CEP135: variants seen among roughly 807,000 people sequenced by gnomAD.
CEP135 encodes the protein centrosomal protein of 135 kDa.
In CEP135, 142 loss-of-function variants were observed where a neutral mutation model predicts 157.3. That is an observed-to-expected ratio of 0.90 (90% CI 0.79 to 1.04). CEP135 has a LOEUF of 1.04. Ranked by LOEUF, CEP135 falls within the 50% of genes least tolerant of loss-of-function variation. CEP135 has a pLI of 0.00. For missense variants in CEP135, 1,317 were observed against 1,309.2 expected (o/e 1.01, Z -0.09); for synonymous variants, 396 against 439.8 (o/e 0.90, Z 1.25).
At chr4:55,988,505 C>A (rs1198281604) in intron 14 of CEP135, among the ~76,000 whole-genome samples, 1 of 151,884 alleles carries the variant, frequency 6.6e-6, no homozygotes, top group Non-Finnish European at 1.5e-5. Flanking sequence ...ACTAAAAATA[C>A]GAAAATTTGC....
chr4:55,993,056 C>G (rs778773243), intron 15 of CEP135, among the ~76,000 whole-genome samples: 2 of 151,938 alleles, frequency 1.3e-5, no homozygotes, highest in Non-Finnish European at 2.9e-5. Context: ...ACAGTGACAA[C>G]TTGAGATCAG....
rs115408010 is a variant in CEP135 at position 55,953,268 on chromosome 4, C to A, written c.297C>A (p.His99Gln). 3.3e-6 allele frequency: 5 copies of A among 1,508,072 alleles called. No homozygotes were observed. Among genetic ancestry groups the A allele is most frequent in the Non-Finnish European group, 4.4e-6 (5 of 1,130,388 alleles). 93.4% of individuals were successfully genotyped at this position (1,508,072 alleles called of 1,614,324 possible). The change falls in exon 3 of 26, where the codon CAC (histidine) becomes CAA (glutamine). Residue 99 changes from histidine to glutamine, a missense_variant. By Grantham distance (24) the His-to-Gln change is conservative. Coordinates refer to ENST00000257287, the MANE Select transcript of CEP135 (RefSeq NM_025009.5). The stretch of plus-strand genomic sequence containing the variant: ...AACTGAGAGAACATTCAGACCAACA[C>A]GTTAAAGGTAAGTGAAAATTTGATA... ...LMKLREHSDQHVKELKTSLKK... is the reference protein window; with the variant it reads ...LMKLREHSDQQVKELKTSLKK...
intron 21 of CEP135, among the ~76,000 whole-genome samples, chr4:56,015,660 G>C (rs189960453): frequency 7.4e-4 from 112 of 152,302 alleles, no homozygotes; most frequent in African/African-American, 2.7e-3. Context: ...TTTACAGTGG[G>C]ACTTCTATGG....
chr4:55,999,565 A>G lies in CEP135; in HGVS notation c.2200A>G (p.Lys734Glu). The change falls in exon 17 of 26, where the codon AAA (lysine) becomes GAA (glutamate). Residue 734 changes from lysine (K) to glutamate (E), a missense_variant. Transcript: ENST00000257287. ...GAAAAAGACCATTGGTGTTATTGAT[A>G]AAGAAAAAGACTTTCTCCAGGAGAC... Reference protein sequence around the residue: ...VMKKTIGVIDKEKDFLQETVD... With the variant: ...VMKKTIGVIDEEKDFLQETVD... The G allele has an allele frequency of 1.2e-6, 2 of 1,611,560 alleles. No homozygotes were observed. The highest frequency in any genetic ancestry group is 1.1e-5 in the South Asian group (1 of 90,358).
chr4:55,999,938 C>G (rs928850507), intron 17 of CEP135, among the ~76,000 whole-genome samples: 6 of 152,142 alleles, frequency 3.9e-5, no homozygotes, highest in African/African-American at 1.4e-4. Flanking sequence ...ACCTGCAATC[C>G]CAGCACTTTG....
intron 17 of CEP135, among the ~76,000 whole-genome samples, chr4:56,006,503 A>G (rs13129724): frequency 0.13 from 19,733 of 152,114 alleles, 1,637 homozygotes; most frequent in East Asian, 0.28. Context: ...TGTGGTTCCA[A>G]CTACATGGGA....
intron 19 of CEP135, among the ~76,000 whole-genome samples, chr4:56,010,233 T>G (rs1033806662): frequency 2.2e-5 from 3 of 136,796 alleles, no homozygotes; most frequent in Admixed American, 1.6e-4. Context: ...CCTGGCGGCA[T>G]GCGCCTGTAA....
chr4:56,002,070 T>C, intron 17 of CEP135, among the ~76,000 whole-genome samples: 1 of 152,142 alleles, frequency 6.6e-6, no homozygotes, highest in Admixed American at 6.5e-5. Context: ...ATAAAAATGC[T>C]GTTGATTTTT....
At chr4:56,019,247 C>A in intron 22 of CEP135, 106 bp from the exon 23 acceptor site, 1 of 817,858 alleles carries the variant, frequency 1.2e-6, no homozygotes, top group Non-Finnish European at 1.9e-6. Flanking sequence ...CAAAATGAAA[C>A]AAGTGATAGG....
chr4:55,950,100 G>GAAA (rs1306852799), intron 1 of CEP135, among the ~76,000 whole-genome samples: 12 of 152,012 alleles, frequency 7.9e-5, no homozygotes, highest in African/African-American at 2.9e-4. Context: ...TGTCTCTTGT[G>GAAA]GAAAGAACCT....
intron 8 of CEP135, among the ~76,000 whole-genome samples, chr4:55,967,980 C>G (rs1407416835): frequency 6.6e-6 from 1 of 152,220 alleles, no homozygotes; most frequent in Middle Eastern, 3.2e-3. Context: ...AAAATTATCT[C>G]TGTTTACAGA....
At chr4:56,010,358 T>TC (rs1385882405) in intron 19 of CEP135, among the ~76,000 whole-genome samples, 1 of 71,106 alleles carries the variant, frequency 1.4e-5, no homozygotes, top group Non-Finnish European at 2.5e-5. Flanking sequence ...TGAGACTCCA[T>TC]CCAAAAAAAA....
At chr4:55,965,066 A>G (rs1276290276) in intron 7 of CEP135, 1 of 152,326 alleles carries the variant, frequency 6.6e-6, no homozygotes, top group Non-Finnish European at 1.5e-5. Context: ...GCTGTCCCAT[A>G]GAAATATGAT....
At chr4:56,011,123 T>TA (rs1305100188) in intron 19 of CEP135, among the ~76,000 whole-genome samples, 1 of 151,942 alleles carries the variant, frequency 6.6e-6, no homozygotes, top group African/African-American at 2.4e-5. Flanking sequence ...TGGTCTCAGC[T>TA]ACTCGGAGGG....
chr4:55,972,753 TG>T (rs1372244905), intron 10 of CEP135, among the ~76,000 whole-genome samples: 9 of 152,202 alleles, frequency 5.9e-5, no homozygotes, highest in Non-Finnish European at 1.2e-4. Flanking sequence ...TAAAACAGGC[TG>T]GGTGCGGTGG....
In CEP135 at chr4:56,010,175, A is replaced by AC. The variant is rs3036749; in HGVS notation, c.2505+282dup. 0.019 allele frequency among the ~76,000 whole-genome samples: 2,381 copies of AC among 122,540 alleles called. 21 individuals are homozygous for AC. Among genetic ancestry groups the AC allele is most frequent in the Non-Finnish European group, 0.022 (1,249 of 56,136 alleles). 80.4% of individuals were successfully genotyped at this position (122,540 alleles called of 152,430 possible). On this transcript the variant is annotated intron_variant, in intron 19 of 25. Transcript: ENST00000257287. ...GACCAGCCTGGCCAACATTGTGAAA[A>AC]CCCCCCCCCCACCCCCATCTCTACT... is the stretch of plus-strand genomic sequence containing the variant.
chr4:56,007,122 G>T (rs1730374171), intron 17 of CEP135, among the ~76,000 whole-genome samples: 1 of 152,182 alleles, frequency 6.6e-6, no homozygotes, highest in Non-Finnish European at 1.5e-5. Flanking sequence ...TCGAACTCCT[G>T]ATCTCAGGTG....
rs180996540 is a variant in CEP135, at chr4:55,972,390, G to C, written c.1249+982G>C. ...TAAATTAGAATGGGAGGATGTGCTA[G>C]AGATTGAATGAAGTGCTCAATGACA... On this transcript the variant is annotated intron_variant, in intron 10 of 25. Coordinates refer to ENST00000257287, the MANE Select transcript of CEP135 (RefSeq NM_025009.5). Among the ~76,000 whole-genome samples, 39 of 152,308 alleles carry C rather than the reference G, an allele frequency of 2.6e-4. No individual in the cohort carries two copies. In the East Asian group the frequency reaches 7.2e-3, roughly 28 times the overall value.
At position 55,964,356 on chromosome 4, in the gene CEP135, C is replaced by G; in HGVS notation, c.782C>G (p.Ser261Cys). 1 of 1,612,102 alleles carries G rather than the reference C, an allele frequency of 6.2e-7. No homozygotes were observed. The highest frequency in any genetic ancestry group is 8.5e-7 in the Non-Finnish European group (1 of 1,178,720). The change falls in exon 7 of 26, where the codon TCT becomes TGT. Residue 261 changes from serine (S) to cysteine (C), a missense_variant. Physicochemically the swap from Ser to Cys is moderately radical, Grantham distance 112 (BLOSUM62 -1). Transcript: ENST00000257287. ...TCCCCTGATGTCCTTTCTCTGGAGTCTAGAAATAAAACCAATGAAAAGCTT... is the reference window on the plus strand; with the variant it reads ...TCCCCTGATGTCCTTTCTCTGGAGTGTAGAAATAAAACCAATGAAAAGCTT... The part of the protein sequence containing the change: ...GRSPDVLSLE[S>C]RNKTNEKLIA...
Sources: allele counts gnomAD v4.1 joint callset (sites outside exome capture counted in the v4.1 genomes callset), GRCh38; gene constraint gnomAD v4.1.1; transcripts MANE v1.5; gene names NCBI Gene and HGNC (gene_info 2026-07-23, HGNC 2026-07-21).